Variants in PCDH11X observed in about 807,000 individuals in gnomAD.
PCDH11X encodes protocadherin 11 X-linked, also known as protocadherin-11 X-linked.
In PCDH11X, 18 loss-of-function variants were observed where a neutral mutation model predicts 53.3. That is an observed-to-expected ratio of 0.34 (90% CI 0.23 to 0.50). The LOEUF is 0.50. PCDH11X is among the 20% of genes least tolerant of loss of function. The pLI is 0.98. For missense variants in PCDH11X, 570 were observed against 1,032.4 expected, an observed-to-expected ratio of 0.55 and a Z score of 6.14; for synonymous variants, 279 against 393.3, an observed-to-expected ratio of 0.71 and a Z score of 3.44.
intron 6 of PCDH11X, chrX:91,982,697 A>G (rs956409023): frequency 2.7e-6 from 3 of 1,095,819 alleles, no homozygotes; most frequent in East Asian, 3.0e-5. Flanking sequence ...GGCCACCAGC[A>G]TTGACGTTCT....
chrX:92,211,282 A>C (rs2066581352), intron 7 of PCDH11X, among the ~76,000 whole-genome samples: 1 of 111,403 alleles, frequency 9.0e-6, no homozygotes, highest in African/African-American at 3.3e-5. Context: ...AGCAGGAGGA[A>C]GAGAGTGAAG....
At chrX:92,011,524 G>A (rs760053770) in intron 6 of PCDH11X, among the ~76,000 whole-genome samples, 6 of 112,330 alleles carry the variant, frequency 5.3e-5, no homozygotes, top group African/African-American at 6.5e-5. Flanking sequence ...AAGAAAATGC[G>A]TTCTAAATTT....
intron 10 of PCDH11X, among the ~76,000 whole-genome samples, chrX:92,590,097 G>A (rs1924871406): frequency 9.2e-6 from 1 of 108,172 alleles, no homozygotes; most frequent in African/African-American, 3.4e-5. Context: ...CCTGCAAGAG[G>A]ACAGCTATGA....
intron 8 of PCDH11X, among the ~76,000 whole-genome samples, chrX:92,355,210 G>A (rs1158544777): frequency 1.1e-5 from 1 of 92,426 alleles, no homozygotes; most frequent in Non-Finnish European, 2.1e-5. Flanking sequence ...GGCGGATCAT[G>A]AGGTCAGGAG....
intron 10 of PCDH11X, among the ~76,000 whole-genome samples, chrX:92,532,527 TA>T (rs771392577): frequency 6.4e-4 from 70 of 108,810 alleles, no homozygotes; most frequent in African/African-American, 2.2e-3. Flanking sequence ...TAGGTTCATG[TA>T]AAAAAACAAC....
At position 92,107,931 on chromosome X, in the gene PCDH11X, A is replaced by G. The variant is rs1320132527; in HGVS notation, c.3034-93444A>G. On this transcript the variant is annotated intron_variant, in intron 6 of 10. Transcript: ENST00000682573. ...ATATGTATAGGAAATCACTAGTCAA[A>G]TTAATTTATCAGTGCTATTTGATAG... 1.2e-4 allele frequency among the ~76,000 whole-genome samples: 14 copies of G among 112,237 alleles called. No homozygotes were observed. In the Admixed American group the frequency reaches 1.3e-3, roughly 11 times the overall value.
At chrX:91,855,210 G>T (rs1938255298) in intron 5 of PCDH11X, among the ~76,000 whole-genome samples, 1 of 111,592 alleles carries the variant, frequency 9.0e-6, no homozygotes, top group Admixed American at 9.5e-5. Flanking sequence ...TCATTCATCT[G>T]CATGTGGATA....
chrX:91,818,421 T>A (rs976166127), intron 4 of PCDH11X, among the ~76,000 whole-genome samples: 1 of 110,866 alleles, frequency 9.0e-6, no homozygotes, highest in Non-Finnish European at 1.9e-5. Context: ...ATTGGTGGAC[T>A]GGGCACGATG....
intron 6 of PCDH11X, among the ~76,000 whole-genome samples, chrX:91,994,473 T>C (rs1377375695): frequency 9.5e-6 from 1 of 105,521 alleles, no homozygotes; most frequent in African/African-American, 3.6e-5. Context: ...GTCACAAATA[T>C]CAGGATCTCC....
At chrX:92,415,175 A>G (rs138395247) in intron 9 of PCDH11X, among the ~76,000 whole-genome samples, 1,428 of 111,354 alleles carry the variant, frequency 0.013, 21 homozygotes, top group African/African-American at 0.044. Flanking sequence ...TGCATTCATC[A>G]TTACCCATTC....
At chrX:91,970,241 C>T (rs2061936374) in intron 6 of PCDH11X, among the ~76,000 whole-genome samples, 1 of 111,348 alleles carries the variant, frequency 9.0e-6, no homozygotes, top group Non-Finnish European at 1.9e-5. Context: ...AAAGCTTCCA[C>T]CACGTGGAAG....
At chrX:92,201,312 T>A in intron 6 of PCDH11X, 63 bp from the exon 7 acceptor site, 1 of 1,155,334 alleles carries the variant, frequency 8.7e-7, no homozygotes, top group South Asian at 2.0e-5. Context: ...TTATATGAAA[T>A]GTACTGTGTA....
At chrX:92,056,569 C>A (rs2063453391) in intron 6 of PCDH11X, among the ~76,000 whole-genome samples, 1 of 110,608 alleles carries the variant, frequency 9.0e-6, no homozygotes, top group Non-Finnish European at 1.9e-5. Flanking sequence ...GCTTTTGTTG[C>A]AATTACTTTT....
At chrX:91,830,700 T>A (rs749169395) in intron 4 of PCDH11X, among the ~76,000 whole-genome samples, 2 of 111,399 alleles carry the variant, frequency 1.8e-5, no homozygotes, top group African/African-American at 3.3e-5. Context: ...ATATTATGGC[T>A]GTTAAATGGT....
chrX:92,330,843 T>C (rs1429175764), intron 8 of PCDH11X, among the ~76,000 whole-genome samples: 3 of 101,474 alleles, frequency 3.0e-5, no homozygotes, highest in Admixed American at 2.2e-4. Flanking sequence ...AATCAACTTA[T>C]GTAAAACTCC....
intron 7 of PCDH11X, among the ~76,000 whole-genome samples, chrX:92,239,356 T>A (rs2148382091): frequency 9.0e-6 from 1 of 111,675 alleles, no homozygotes; most frequent in South Asian, 3.7e-4. Flanking sequence ...AGATGATCAG[T>A]CCTATTAAGA....
intron 8 of PCDH11X, among the ~76,000 whole-genome samples, chrX:92,329,461 C>T (rs1425612692): frequency 9.0e-6 from 1 of 111,447 alleles, no homozygotes; most frequent in African/African-American, 3.3e-5. Context: ...TATGATTTAG[C>T]AATCTCTCTG....
chrX:92,407,214 A>G (rs1187435386), intron 9 of PCDH11X, among the ~76,000 whole-genome samples: 1 of 110,805 alleles, frequency 9.0e-6, no homozygotes, highest in Admixed American at 9.6e-5. Context: ...TTGTATGAAC[A>G]TTTCACAGAA....
intron 6 of PCDH11X, among the ~76,000 whole-genome samples, chrX:91,926,008 G>T (rs112371386): frequency 0.013 from 1,331 of 106,007 alleles, 33 homozygotes; most frequent in African/African-American, 0.045. Context: ...AGCAAATACT[G>T]TATAATCAGG....
Sources: gnomAD v4.1 joint callset for allele counts (sites outside exome capture counted in the v4.1 genomes callset) on GRCh38, gnomAD v4.1.1 for gene constraint, MANE v1.5 for transcripts, NCBI Gene and HGNC (gene_info 2026-07-23, HGNC 2026-07-21) for gene names.